The following MACF1 variants were observed in gnomAD, a reference collection of about 807,000 sequenced individuals.
MACF1 encodes the protein microtubule actin crosslinking factor 1.
MACF1 carries 193 observed loss-of-function variants against 854.8 expected under a neutral mutation model. The observed-to-expected ratio is 0.23, with a 90% confidence interval of 0.20 to 0.25. The LOEUF (loss-of-function observed/expected upper bound fraction) is 0.25, where lower values mean the gene tolerates loss of function less well. MACF1 is among the 10% of genes least tolerant of loss of function. The pLI is 1.00. For synonymous variants in MACF1, 3,185 were observed against 3,226.7 expected, an observed-to-expected ratio of 0.99 and a Z score of 0.44; for missense variants, 7,722 against 8,929.1, an observed-to-expected ratio of 0.86 and a Z score of 5.45.
chr1:39,154,494 G>C (rs762159073), intron 2 of MACF1, among the ~76,000 whole-genome samples: 7 of 152,218 alleles, frequency 4.6e-5, no homozygotes, highest in Non-Finnish European at 7.4e-5. Context: ...CTATGGGAGG[G>C]GGACCTTTGT....
intron 45 of MACF1, among the ~76,000 whole-genome samples, chr1:39,358,487 T>C (rs1385241937): frequency 6.6e-6 from 1 of 152,188 alleles, no homozygotes; most frequent in Non-Finnish European, 1.5e-5. Flanking sequence ...TTCCTGGGAA[T>C]GTAAGAAGGT....
chr1:39,454,036 C>T lies in MACF1; in HGVS notation c.20886+186C>T, dbSNP rs548892855. On this transcript the variant is annotated intron_variant, in intron 88 of 100. Coordinates refer to ENST00000564288, the MANE Select transcript of MACF1 (RefSeq NM_001394062.1). ...TGGCAACCTGGAGGAGTAGTGTTGG[C>T]ATAGTGCTATGTTAATGTGACTTCC... 2.0e-5 allele frequency among the ~76,000 whole-genome samples: 3 copies of T among 152,310 alleles called. No homozygotes were observed. The South Asian group carries it at 6.2e-4, about 32-fold the overall frequency.
At chr1:39,364,414 T>C (rs1648492244) in intron 49 of MACF1, among the ~76,000 whole-genome samples, 1 of 152,040 alleles carries the variant, frequency 6.6e-6, no homozygotes, top group Non-Finnish European at 1.5e-5. Flanking sequence ...AGAGATTAAT[T>C]CTTTATCTGT....
rs1643931665 is a variant in MACF1 at position 39,434,567 on chromosome 1, A to G, written c.17719A>G (p.Ile5907Val). The change falls in exon 69 of 101, where the codon ATA (isoleucine) becomes GTA (valine). Residue 5907 changes from isoleucine to valine, a missense_variant. Ile to Val is a conservative substitution (Grantham distance 29). Around this residue, in one of 15 missense-constraint regions of MACF1, gnomAD observed 2,807 missense variants for 3,235.8 expected, o/e 0.87. Coordinates refer to ENST00000564288, the MANE Select transcript of MACF1 (RefSeq NM_001394062.1). ...SPWIEETRAL[I>V]AQLPSPAIDH... ...CTGGATTGAGGAAACTCGGGCACTA[A>G]TAGCACAGTTACCCTCTCCAGCCAT... 3 of 1,614,208 alleles carry G rather than the reference A, an allele frequency of 1.9e-6. No homozygotes were observed. Among genetic ancestry groups the G allele is most frequent in the Non-Finnish European group, 8.5e-7 (1 of 1,180,032 alleles).
At chr1:39,317,528 T>C (rs978495421) in intron 29 of MACF1, 121 bp downstream of exon 29, 1 of 1,123,950 alleles carries the variant, frequency 8.9e-7, no homozygotes, top group Non-Finnish European at 1.2e-6. Context: ...GGGTGGAAAT[T>C]TAAAAACCAC....
At position 39,292,145 on chromosome 1, in the gene MACF1, GAAT is replaced by G. The variant is rs574373433; in HGVS notation, c.1914+111_1914+113del. 1.3e-4 allele frequency: 166 copies of G among 1,287,598 alleles called. 1 individual carries two copies. In the South Asian group the frequency reaches 2.5e-3, roughly 19 times the overall value. 79.8% of individuals were successfully genotyped at this position (1,287,598 alleles called of 1,614,324 possible). A position where few individuals can be genotyped will look rare whatever the true frequency, so the allele number is the denominator to read the frequency against. On this transcript the variant is annotated intron_variant, in intron 16 of 100. Transcript: ENST00000564288. The stretch of plus-strand genomic sequence containing the variant: ...TGAAGGAGGAGGGTGCTCTGGAAAA[GAAT>G]AATGATGATGAAGAGCGGTTTATGA...
At chr1:39,291,775 A>G (rs570888762) in intron 15 of MACF1, 135 bp from the exon 16 acceptor site, 22 of 756,898 alleles carry the variant, frequency 2.9e-5, no homozygotes, top group Non-Finnish European at 4.4e-5. Context: ...AAGAGGCTGT[A>G]GATTGAAGGA....
intron 47 of MACF1, among the ~76,000 whole-genome samples, chr1:39,360,448 A>T (rs1314102710): frequency 6.6e-6 from 1 of 151,894 alleles, no homozygotes; most frequent in South Asian, 2.1e-4. Flanking sequence ...GTATGCAGTA[A>T]ATAACTAATG....
intron 58 of MACF1, chr1:39,411,667 C>A: frequency 6.2e-7 from 1 of 1,613,804 alleles, no homozygotes; most frequent in Admixed American, 1.7e-5. Flanking sequence ...GCAGATGTTT[C>A]TTGAACTTGA....
intron 2 of MACF1, among the ~76,000 whole-genome samples, chr1:39,149,316 G>T (rs1643526435): frequency 6.6e-6 from 1 of 152,126 alleles, no homozygotes; most frequent in Non-Finnish European, 1.5e-5. Context: ...GGGATCACTT[G>T]AGGTCAGGGG....
At chr1:39,300,122 A>G in intron 21 of MACF1, 88 bp from the exon 22 acceptor site, 1 of 1,312,922 alleles carries the variant, frequency 7.6e-7, no homozygotes, top group Non-Finnish European at 1.1e-6. Context: ...ACATTCTCTG[A>G]GGGAGTGGAG....
intron 65 of MACF1, 125 bp downstream of exon 65, chr1:39,430,193 A>T (rs1362690165): frequency 1.1e-5 from 11 of 1,041,714 alleles, no homozygotes; most frequent in Non-Finnish European, 4.1e-6. Flanking sequence ...TTACTCATGG[A>T]CAGTAAGATT....
At chr1:39,365,607 G>C (rs1244342790) in intron 49 of MACF1, among the ~76,000 whole-genome samples, 1 of 152,032 alleles carries the variant, frequency 6.6e-6, no homozygotes, top group Non-Finnish European at 1.5e-5. Flanking sequence ...ATTTTCCCCA[G>C]ATTTAAGAAA....
At position 39,415,828 on chromosome 1, in the gene MACF1, G is replaced by A. The variant is rs111406271; in HGVS notation, c.15817-6546G>A. Among the ~76,000 whole-genome samples the A allele has an allele frequency of 5.2e-3, 789 of 152,234 alleles. 6 individuals carry two copies. Among genetic ancestry groups the A allele is most frequent in the African/African-American group, 0.018 (729 of 41,532 alleles). Reference sequence around the variant, plus strand: ...GTGGTAAAGAGTGCAGGAGTTAGAGGTTTAATCTGAACACAAGAGATGACT... The same window carrying A: ...GTGGTAAAGAGTGCAGGAGTTAGAGATTTAATCTGAACACAAGAGATGACT... On this transcript the variant is annotated intron_variant, in intron 58 of 100. Coordinates refer to ENST00000564288, the MANE Select transcript of MACF1 (RefSeq NM_001394062.1).
At chr1:39,160,421 G>T (rs1571116229) in intron 2 of MACF1, among the ~76,000 whole-genome samples, 1 of 152,346 alleles carries the variant, frequency 6.6e-6, no homozygotes, top group East Asian at 1.9e-4. Flanking sequence ...TGGGGCTTTA[G>T]AGTGAAGGTA....
chr1:39,224,694 G>A (rs1286987818), intron 1 of MACF1, among the ~76,000 whole-genome samples: 2 of 152,150 alleles, frequency 1.3e-5, no homozygotes, highest in Non-Finnish European at 2.9e-5. Flanking sequence ...ATACAGACTA[G>A]GGAGTATTGT....
chr1:39,334,158 C>G lies in MACF1; in HGVS notation c.7570C>G (p.His2524Asp), dbSNP rs1244732751. Residue 2524 changes from histidine (H) to aspartate (D), a missense_variant, in exon 37 of 101, where the codon CAT (histidine) becomes GAT (aspartate). Coordinates refer to ENST00000564288, the MANE Select transcript of MACF1 (RefSeq NM_001394062.1). ...MRLSVDNAFR[H>D]GLIGEDLAEK... ...ACTTTCTGTTGATAATGCCTTCAGA[C>G]ATGGCTTAATTGGTGAAGATTTAGC... 1 of 1,614,142 alleles carries G rather than the reference C, an allele frequency of 6.2e-7. No individual in the cohort carries two copies. The highest frequency in any genetic ancestry group is 8.5e-7 in the Non-Finnish European group (1 of 1,179,996).
In MACF1 at chr1:39,297,612, T is replaced by A; in HGVS notation, c.2356-8T>A. On this transcript the variant is annotated splice_region_variant and splice_polypyrimidine_tract_variant and intron_variant, in intron 20 of 100. Coordinates refer to ENST00000564288, the MANE Select transcript of MACF1 (RefSeq NM_001394062.1). The stretch of plus-strand genomic sequence containing the variant: ...AGCAGAAGGCATCCTTACTTTGTAT[T>A]CCCATAGTTCTTCAGTGATGCACGA... 1 of 1,614,100 alleles carries A rather than the reference T, an allele frequency of 6.2e-7. No individual in the cohort carries two copies. The highest frequency in any genetic ancestry group is 8.5e-7 in the Non-Finnish European group (1 of 1,179,984).
rs756374225 is a variant in MACF1 at position 39,292,827 on chromosome 1, A to G, written c.1976A>G (p.Gln659Arg). 7.4e-6 allele frequency: 12 copies of G among 1,612,752 alleles called. No homozygotes were observed. Among genetic ancestry groups the G allele is most frequent in the Non-Finnish European group, 9.3e-6 (11 of 1,179,508 alleles). Residue 659 changes from glutamine (Q) to arginine (R), a missense_variant, in exon 17 of 101, where the codon CAG becomes CGG. Gln to Arg is a conservative substitution (Grantham distance 43). Coordinates refer to ENST00000564288, the MANE Select transcript of MACF1 (RefSeq NM_001394062.1). ...YAETLGKLETQYCKLKETSSF... is the reference protein window; with the variant it reads ...YAETLGKLETRYCKLKETSSF... ...GAAACTCTTGGAAAGCTGGAGACAC[A>G]GTATTGTAAATTGAAGGTGAGTTTC...
Sources: gnomAD v4.1 joint callset for allele counts (sites outside exome capture counted in the v4.1 genomes callset) on GRCh38, gnomAD v4.1.1 for gene constraint, gnomAD v4.1.1 regional missense constraint, MANE v1.5 for transcripts, NCBI Gene and HGNC (gene_info 2026-07-23, HGNC 2026-07-21) for gene names.